AGBL1: variants seen among roughly 807,000 people sequenced by gnomAD.
AGBL1 encodes AGBL carboxypeptidase 1.
A neutral mutation model predicts 118.9 loss-of-function variants in AGBL1; 130 were observed. That is an observed-to-expected ratio of 1.09 (90% confidence interval 0.95 to 1.26). AGBL1 has a LOEUF of 1.26. AGBL1 is among the 50% of genes most tolerant of loss of function. AGBL1 has a pLI of 0.00. For synonymous variants in AGBL1, 555 were observed against 478.9 expected (o/e 1.16, Z -2.08); for missense variants, 1,584 against 1,298.1 (o/e 1.22, Z -3.38).
chr15:86,322,406 T>C (rs1055955409), intron 17 of AGBL1, among the ~76,000 whole-genome samples: 1 of 152,184 alleles, frequency 6.6e-6, no homozygotes, highest in African/African-American at 2.4e-5. Context: ...TATGTAGTGA[T>C]TTTCTTTACC....
Position 86,748,705 on chromosome 15 carries a change from T to C in AGBL1, c.3158+74269T>C, listed in dbSNP as rs180685924. Among the ~76,000 whole-genome samples, 8 of 151,874 alleles carry C rather than the reference T, an allele frequency of 5.3e-5. No individual in the cohort carries two copies. The East Asian group carries it at 1.5e-3, about 29-fold the overall frequency. Reference sequence around the variant, plus strand: ...TTTTTGTATAAGGTGTAAGGAAGTATCCAGTTTCAGCTTTCTACATATGGC... The same window carrying C: ...TTTTTGTATAAGGTGTAAGGAAGTACCCAGTTTCAGCTTTCTACATATGGC... On this transcript the variant is annotated intron_variant, in intron 22 of 22. Coordinates refer to ENST00000614907, the MANE Select transcript of AGBL1 (RefSeq NM_001386094.1).
Position 86,618,129 on chromosome 15 carries a change from A to G in AGBL1, c.2995-56144A>G, listed in dbSNP as rs118128772. On this transcript the variant is annotated intron_variant, in intron 21 of 22. Transcript: ENST00000614907. The stretch of plus-strand genomic sequence containing the variant: ...GGCTAATTATAACCAACAAACAGAA[A>G]TACTCTTTAATTCCAAACTATGCAG... 1.8e-4 allele frequency among the ~76,000 whole-genome samples: 28 copies of G among 152,328 alleles called. No individual in the cohort carries two copies. The East Asian group carries it at 5.4e-3, about 29-fold the overall frequency.
chr15:86,900,071 C>T (rs183539198), intron 22 of AGBL1, among the ~76,000 whole-genome samples: 444 of 152,250 alleles, frequency 2.9e-3, no homozygotes, highest in Non-Finnish European at 5.0e-3. Context: ...CTAAGTTCTT[C>T]AACTTTTGGA....
At chr15:86,567,050 T>C in intron 21 of AGBL1, among the ~76,000 whole-genome samples, 1 of 152,334 alleles carries the variant, frequency 6.6e-6, no homozygotes, top group East Asian at 1.9e-4. Flanking sequence ...AAAAACTCAA[T>C]ACATGTTTAC....
intron 3 of AGBL1, among the ~76,000 whole-genome samples, chr15:86,151,847 T>C (rs555330461): frequency 1.3e-5 from 2 of 152,296 alleles, no homozygotes; most frequent in East Asian, 3.9e-4. Flanking sequence ...ACAAAATCAA[T>C]GTGCAAAAAT....
chr15:87,025,812 A>G (rs146078933), intron 24 of AGBL1, among the ~76,000 whole-genome samples: 4,355 of 152,186 alleles, frequency 0.029, 87 homozygotes, highest in Middle Eastern at 0.058. Context: ...GAATAGGCAC[A>G]TAGACTAATG....
intron 5 of AGBL1, among the ~76,000 whole-genome samples, chr15:86,172,112 A>G (rs895468427): frequency 6.6e-6 from 1 of 152,194 alleles, no homozygotes; most frequent in African/African-American, 2.4e-5. Context: ...GTGATGGTGC[A>G]CCAAAATCTC....
At chr15:86,854,707 C>G (rs1279145567) in intron 22 of AGBL1, among the ~76,000 whole-genome samples, 1 of 152,134 alleles carries the variant, frequency 6.6e-6, no homozygotes, top group African/African-American at 2.4e-5. Flanking sequence ...TAAATGTTCA[C>G]TGAAATATAA....
intron 21 of AGBL1, among the ~76,000 whole-genome samples, chr15:86,564,354 T>C (rs567282254): frequency 4.6e-5 from 7 of 152,294 alleles, no homozygotes; most frequent in African/African-American, 1.7e-4. Flanking sequence ...AGCATTTGCT[T>C]GTCTGTAAAG....
chr15:86,944,840 T>G (rs2080798012), intron 23 of AGBL1, among the ~76,000 whole-genome samples: 1 of 152,096 alleles, frequency 6.6e-6, no homozygotes, highest in Non-Finnish European at 1.5e-5. Context: ...TAAGATAGAG[T>G]GACAATACAA....
At chr15:86,656,196 A>G (rs1419027581) in intron 21 of AGBL1, among the ~76,000 whole-genome samples, 1 of 152,232 alleles carries the variant, frequency 6.6e-6, no homozygotes, top group African/African-American at 2.4e-5. Flanking sequence ...TTTATTCTAT[A>G]TTAAATACAC....
At chr15:86,178,065 G>A (rs372780042) in intron 5 of AGBL1, among the ~76,000 whole-genome samples, 25 of 152,320 alleles carry the variant, frequency 1.6e-4, no homozygotes, top group African/African-American at 6.0e-4. Flanking sequence ...TGTAATCCCA[G>A]CACTTTGGGA....
At chr15:86,572,338 G>A (rs951605775) in intron 21 of AGBL1, among the ~76,000 whole-genome samples, 20 of 152,208 alleles carry the variant, frequency 1.3e-4, no homozygotes, top group African/African-American at 4.1e-4. Flanking sequence ...CTGGCTCCAT[G>A]GAGTGTGCAG....
At chr15:86,988,604 A>G (rs1449895150) in intron 24 of AGBL1, among the ~76,000 whole-genome samples, 2 of 152,210 alleles carry the variant, frequency 1.3e-5, no homozygotes, top group African/African-American at 4.8e-5. Flanking sequence ...ATAAGGATTT[A>G]TCACTTTCTC....
At chr15:86,434,704 A>G (rs1455328130) in intron 18 of AGBL1, among the ~76,000 whole-genome samples, 1 of 152,248 alleles carries the variant, frequency 6.6e-6, no homozygotes, top group East Asian at 1.9e-4. Flanking sequence ...ACCTGCTGCC[A>G]AAATATCTGA....
In AGBL1 at chr15:86,741,410, A is replaced by C. The variant is rs1269637596; in HGVS notation, c.3158+66974A>C. 5.8e-5 allele frequency among the ~76,000 whole-genome samples: 8 copies of C among 138,678 alleles called. 1 individual carries two copies. In the East Asian group the frequency reaches 1.7e-3, roughly 29 times the overall value. The allele number at this position is 138,678 out of a possible 152,430, so 91.0% of individuals were successfully genotyped here. On this transcript the variant is annotated intron_variant, in intron 22 of 22. Transcript: ENST00000614907. ...AAAAAAAAAAAAAAAAAAAAAAAAAAAAAAAAAAAAAGAATTCAACCAGAT... is the reference window on the plus strand; with the variant it reads ...AAAAAAAAAAAAAAAAAAAAAAAAACAAAAAAAAAAAGAATTCAACCAGAT...
At chr15:86,769,171 G>GAGAGAGAGAGAGAGAGAGAA (rs72260009) in intron 22 of AGBL1, among the ~76,000 whole-genome samples, 50,611 of 118,050 alleles carry the variant, frequency 0.43, 8,937 homozygotes, top group East Asian at 0.57. Flanking sequence ...TTCTCATTTT[G>GAGAGAGAGAGAGAGAGAGAA]AGAGGGAGAG....
chr15:86,789,931 A>G (rs2078467562), intron 22 of AGBL1, among the ~76,000 whole-genome samples: 1 of 152,192 alleles, frequency 6.6e-6, no homozygotes, highest in African/African-American at 2.4e-5. Flanking sequence ...CCAGGAGACT[A>G]GGAAACTCCA....
intron 1 of AGBL1, among the ~76,000 whole-genome samples, chr15:86,129,817 C>T (rs973534042): frequency 6.6e-6 from 1 of 152,096 alleles, no homozygotes. Context: ...TTGATAGATT[C>T]TTTTGAGAAG....
Sources: allele counts gnomAD v4.1 joint callset (sites outside exome capture counted in the v4.1 genomes callset), GRCh38; gene constraint gnomAD v4.1.1; transcripts MANE v1.5; gene names NCBI Gene and HGNC (gene_info 2026-07-23, HGNC 2026-07-21).